TENM3: variants seen among roughly 807,000 people sequenced by gnomAD.
The protein encoded by TENM3 is teneurin transmembrane protein 3.
A neutral mutation model predicts 255.1 loss-of-function variants in TENM3; 63 were observed. The ratio of observed to expected loss-of-function variants is 0.25; its 90% CI spans 0.20 to 0.30. TENM3 has a LOEUF of 0.30. Ranked by LOEUF, TENM3 falls within the 10% of genes least tolerant of loss-of-function variation. The probability of loss-of-function intolerance (pLI) is 1.00; values close to 1 mark genes in which losing one functional copy is unlikely to be tolerated. For synonymous variants in TENM3, 1,306 were observed against 1,322.3 expected (o/e 0.99, Z 0.27); for missense variants, 2,929 against 3,461.1 (o/e 0.85, Z 3.86).
At chr4:182,068,317 G>A in the TENM3 span, among the ~76,000 whole-genome samples, 1 of 151,886 alleles carries the variant, frequency 6.6e-6, no homozygotes, top group East Asian at 1.9e-4. Context: ...GATGGCAGTG[G>A]GAAGTTTGTA....
the TENM3 span, among the ~76,000 whole-genome samples, chr4:181,589,433 C>T: frequency 6.6e-6 from 1 of 151,922 alleles, no homozygotes; most frequent in Non-Finnish European, 1.5e-5. Flanking sequence ...ATGCTATGTA[C>T]AATATACACA....
the TENM3 span, among the ~76,000 whole-genome samples, chr4:181,619,475 G>A: frequency 6.6e-6 from 1 of 152,154 alleles, no homozygotes; most frequent in Non-Finnish European, 1.5e-5. Context: ...AGGCCAGAGT[G>A]TAGTGGCACG....
intron 1 of TENM3, among the ~76,000 whole-genome samples, chr4:182,292,723 T>C (rs1761202363): frequency 6.6e-6 from 1 of 152,194 alleles, no homozygotes; most frequent in African/African-American, 2.4e-5. Context: ...ATGCGCTCTC[T>C]GCCCTTAAAG....
At chr4:182,440,588 C>T (rs927573895) in intron 3 of TENM3, among the ~76,000 whole-genome samples, 7 of 152,118 alleles carry the variant, frequency 4.6e-5, no homozygotes, top group Admixed American at 4.6e-4. Flanking sequence ...CCCAGTCCTA[C>T]AGAGGAAGTT....
intron 5 of TENM3, among the ~76,000 whole-genome samples, chr4:182,633,186 C>T (rs1267621508): frequency 1.3e-5 from 2 of 152,182 alleles, no homozygotes; most frequent in African/African-American, 4.8e-5. Flanking sequence ...CTTGCCTCAG[C>T]CTCCCAAAGT....
At chr4:181,725,567 T>C in the TENM3 span, among the ~76,000 whole-genome samples, 1 of 151,970 alleles carries the variant, frequency 6.6e-6, no homozygotes, top group South Asian at 2.1e-4. Context: ...GTCTCCTGAG[T>C]AGCTGGGACT....
chr4:182,353,979 AAAGT>A (rs1765360748), intron 3 of TENM3, among the ~76,000 whole-genome samples: 1 of 152,106 alleles, frequency 6.6e-6, no homozygotes, highest in Non-Finnish European at 1.5e-5. Flanking sequence ...AAAAAAAAAA[AAAGT>A]TACGATTTAA....
chr4:182,755,210 G>A lies in TENM3; in HGVS notation c.4843G>A (p.Gly1615Ser), dbSNP rs1352583051. The A allele has an allele frequency of 6.2e-7, 1 of 1,610,974 alleles. No individual in the cohort carries two copies. Among genetic ancestry groups the A allele is most frequent in the Non-Finnish European group, 8.5e-7 (1 of 1,179,774 alleles). The change falls in exon 22 of 28, where the codon GGC becomes AGC. Residue 1615 changes from glycine to serine, a missense_variant. By Grantham distance (56) the Gly-to-Ser change is moderately conservative (BLOSUM62 0). This residue lies in a region of TENM3 where 1,608 missense variants were observed against 1,884.4 expected (regional missense o/e 0.85). Transcript: ENST00000511685. ...LVLFTYHGNSGLLATKSDETG... is the reference protein window; with the variant it reads ...LVLFTYHGNSSLLATKSDETG... The stretch of plus-strand genomic sequence containing the variant: ...TTTGTTTACTTACCATGGCAATAGT[G>A]GCCTTTTAGCCACTAAAAGTGATGA...
chr4:181,791,473 C>G, the TENM3 span, among the ~76,000 whole-genome samples: 1 of 152,056 alleles, frequency 6.6e-6, no homozygotes, highest in Admixed American at 6.5e-5. Flanking sequence ...TGTTTGTAAA[C>G]AAAGTGTGAA....
At chr4:182,007,334 C>G in the TENM3 span, among the ~76,000 whole-genome samples, 1 of 152,074 alleles carries the variant, frequency 6.6e-6, no homozygotes, top group South Asian at 2.1e-4. Context: ...GTTAAAGTCT[C>G]CCACTATTAT....
the TENM3 span, among the ~76,000 whole-genome samples, chr4:181,997,494 T>C: frequency 1.3e-5 from 2 of 152,138 alleles, no homozygotes; most frequent in South Asian, 4.1e-4. Flanking sequence ...CACAGATGCC[T>C]AGTTGTGTGG....
chr4:181,880,435 T>C, the TENM3 span, among the ~76,000 whole-genome samples: 3 of 152,254 alleles, frequency 2.0e-5, no homozygotes, highest in East Asian at 5.8e-4. Context: ...CCATTAAAAA[T>C]TGATACAGAA....
At chr4:181,509,926 G>A in the TENM3 span, among the ~76,000 whole-genome samples, 3 of 152,192 alleles carry the variant, frequency 2.0e-5, no homozygotes, top group South Asian at 2.1e-4. Flanking sequence ...GAGTTAGAGA[G>A]TAAAATAAAA....
At chr4:181,558,334 C>A in the TENM3 span, among the ~76,000 whole-genome samples, 2 of 152,184 alleles carry the variant, frequency 1.3e-5, no homozygotes, top group Admixed American at 6.5e-5. Flanking sequence ...CACTCCACAA[C>A]TGAGTTCAAC....
intron 12 of TENM3, among the ~76,000 whole-genome samples, chr4:182,713,506 C>T (rs1047727988): frequency 2.6e-5 from 4 of 152,266 alleles, no homozygotes; most frequent in African/African-American, 9.6e-5. Flanking sequence ...TAATCCTGGC[C>T]TATACTTTGT....
the TENM3 span, among the ~76,000 whole-genome samples, chr4:181,478,183 T>TA: frequency 2.6e-5 from 4 of 152,232 alleles, no homozygotes; most frequent in Non-Finnish European, 5.9e-5. Context: ...AAGCCACAAT[T>TA]ACAGTTTTGC....
At chr4:182,358,792 G>A (rs1165954058) in intron 3 of TENM3, among the ~76,000 whole-genome samples, 3 of 146,902 alleles carry the variant, frequency 2.0e-5, no homozygotes, top group Non-Finnish European at 4.5e-5. Flanking sequence ...TCCCTGTCTT[G>A]TGCCAGTTTT....
chr4:181,578,941 G>A, the TENM3 span, among the ~76,000 whole-genome samples: 5 of 152,238 alleles, frequency 3.3e-5, no homozygotes, highest in South Asian at 4.1e-4. Flanking sequence ...AAGGGGGCAC[G>A]ATTCAGCCCC....
At chr4:182,398,804 T>C (rs1769029671) in intron 3 of TENM3, among the ~76,000 whole-genome samples, 2 of 152,176 alleles carry the variant, frequency 1.3e-5, no homozygotes, top group Admixed American at 1.3e-4. Flanking sequence ...CCAGAAAACA[T>C]TTGGTAAGGT....
Sources: gnomAD v4.1 joint callset for allele counts (sites outside exome capture counted in the v4.1 genomes callset) on GRCh38, gnomAD v4.1.1 for gene constraint, gnomAD v4.1.1 regional missense constraint, MANE v1.5 for transcripts, NCBI Gene and HGNC (gene_info 2026-07-23, HGNC 2026-07-21) for gene names.